SKA2: variants seen among roughly 807,000 people sequenced by gnomAD.
SKA2 encodes spindle and kinetochore associated complex subunit 2.
A neutral mutation model predicts 16.9 loss-of-function variants in SKA2; 13 were observed. The ratio of observed to expected loss-of-function variants is 0.77; its 90% CI spans 0.50 to 1.22. The LOEUF is 1.22. Ranked by LOEUF, SKA2 falls within the 50% of genes most tolerant of loss-of-function variation. SKA2 has a pLI of 0.00. For missense variants in SKA2, 107 were observed against 139.7 expected (o/e 0.77, Z 1.18); for synonymous variants, 47 against 48.5 (o/e 0.97, Z 0.13).
intron 1 of SKA2, among the ~76,000 whole-genome samples, chr17:59,142,499 A>T (rs2046498249): frequency 6.6e-6 from 1 of 151,978 alleles, no homozygotes; most frequent in Admixed American, 6.6e-5. Context: ...TATGTTGGTC[A>T]GGCTGCTCTC....
At chr17:59,140,196 C>G (rs1354217305) in intron 1 of SKA2, among the ~76,000 whole-genome samples, 1 of 151,774 alleles carries the variant, frequency 6.6e-6, no homozygotes, top group Non-Finnish European at 1.5e-5. Flanking sequence ...TAAAAGTGAG[C>G]AAGGGCTTCA....
At chr17:59,114,801 T>A (rs1344330167) in intron 3 of SKA2, among the ~76,000 whole-genome samples, 1 of 152,084 alleles carries the variant, frequency 6.6e-6, no homozygotes, top group Non-Finnish European at 1.5e-5. Context: ...TAATAGGAGG[T>A]ACAACCTGAA....
At chr17:59,128,103 T>C (rs11658818) in intron 2 of SKA2, among the ~76,000 whole-genome samples, 55,985 of 151,360 alleles carry the variant, frequency 0.37, 10,504 homozygotes, top group Middle Eastern at 0.47. Context: ...TACTCCTAGC[T>C]ACTCAGGAGG....
intron 2 of SKA2, among the ~76,000 whole-genome samples, chr17:59,122,914 C>T (rs781252133): frequency 1.3e-5 from 2 of 151,242 alleles, no homozygotes; most frequent in Non-Finnish European, 2.9e-5. Flanking sequence ...TGAACCACTG[C>T]GCCCAACCTT....
At chr17:59,123,035 AAAAAGAAAAG>A (rs1555711124) in intron 2 of SKA2, among the ~76,000 whole-genome samples, 4 of 150,080 alleles carry the variant, frequency 2.7e-5, no homozygotes, top group South Asian at 2.1e-4. Context: ...AAAAAAAAAA[AAAAAGAAAAG>A]AAAAGAAAAG....
chr17:59,129,533 G>A (rs971288621), intron 2 of SKA2: 3 of 151,640 alleles, frequency 2.0e-5, no homozygotes, highest in Admixed American at 1.3e-4. Flanking sequence ...AGGAATGAAG[G>A]AATGGAAGGG....
At chr17:59,132,656 C>CT (rs2046419280) in intron 1 of SKA2, among the ~76,000 whole-genome samples, 1 of 152,168 alleles carries the variant, frequency 6.6e-6, no homozygotes, top group Non-Finnish European at 1.5e-5. Flanking sequence ...GAGCAAGACT[C>CT]TATCTCATAA....
Position 59,119,442 on chromosome 17 carries a change from T to G in SKA2, c.174A>C (p.Gln58His). 1 of 1,614,028 alleles carries G rather than the reference T, an allele frequency of 6.2e-7. No individual in the cohort carries two copies. Among genetic ancestry groups the G allele is most frequent in the African/African-American group, 1.3e-5 (1 of 75,072 alleles). The change falls in exon 3 of 4, where the codon CAA (glutamine) becomes CAC (histidine). Residue 58 changes from glutamine to histidine, a missense_variant. Physicochemically the swap from Gln to His is conservative, Grantham distance 24. Coordinates refer to ENST00000330137, the MANE Select transcript of SKA2 (RefSeq NM_182620.4). ...CTGGTTTAAAGCGGGCATACAAAGT[T>G]TGATATCGAGACTTTATCACTGACA... Reference protein sequence around the residue: ...KELSVIKSRYQTLYARFKPVA... With the variant: ...KELSVIKSRYHTLYARFKPVA...
At chr17:59,137,729 TG>T (rs1438617384) in intron 1 of SKA2, 1 of 518,054 alleles carries the variant, frequency 1.9e-6, no homozygotes, top group East Asian at 5.6e-5. Context: ...AGATGACTTT[TG>T]CTTGTTTCTG....
intron 1 of SKA2, among the ~76,000 whole-genome samples, chr17:59,134,870 T>C (rs866015752): frequency 2.0e-5 from 3 of 152,122 alleles, no homozygotes; most frequent in Non-Finnish European, 2.9e-5. Flanking sequence ...GGTCTCACTC[T>C]GTCATACAAG....
At chr17:59,145,310 AC>A (rs1309096589) in intron 1 of SKA2, among the ~76,000 whole-genome samples, 3 of 152,210 alleles carry the variant, frequency 2.0e-5, no homozygotes, top group Admixed American at 6.5e-5. Context: ...TATTGATCTT[AC>A]TTTCTCAATA....
chr17:59,150,361 T>C (rs1372294041), intron 1 of SKA2, among the ~76,000 whole-genome samples: 1 of 152,206 alleles, frequency 6.6e-6, no homozygotes, highest in Non-Finnish European at 1.5e-5. Context: ...CTATTGTATC[T>C]CATAAGAATA....
At chr17:59,136,079 A>G (rs908762550) in intron 1 of SKA2, among the ~76,000 whole-genome samples, 16 of 148,488 alleles carry the variant, frequency 1.1e-4, no homozygotes, top group African/African-American at 3.2e-4. Context: ...AGGAAGGAAG[A>G]AAAAAAAAAC....
intron 1 of SKA2, among the ~76,000 whole-genome samples, chr17:59,153,059 A>G (rs2046589421): frequency 6.6e-6 from 1 of 152,172 alleles, no homozygotes; most frequent in South Asian, 2.1e-4. Context: ...TTGTTCACTT[A>G]AAAGAGAATT....
chr17:59,139,881 T>C (rs933789728), intron 1 of SKA2, among the ~76,000 whole-genome samples: 3 of 152,146 alleles, frequency 2.0e-5, no homozygotes. Flanking sequence ...CAAAAGGGAA[T>C]AGATGAAAGA....
intron 3 of SKA2, among the ~76,000 whole-genome samples, chr17:59,115,203 G>A (rs1032633106): frequency 7.9e-5 from 12 of 151,366 alleles, no homozygotes; most frequent in South Asian, 2.1e-4. Context: ...ACAGGTGCCC[G>A]CCACCATGCC....
At chr17:59,125,464 G>C (rs1007776224) in intron 2 of SKA2, among the ~76,000 whole-genome samples, 5 of 150,516 alleles carry the variant, frequency 3.3e-5, no homozygotes, top group African/African-American at 9.7e-5. Flanking sequence ...GCTTTGGGAG[G>C]CCAAGACTGG....
At chr17:59,131,257 A>G in intron 2 of SKA2, 24 bp downstream of exon 2, 1 of 1,531,772 alleles carries the variant, frequency 6.5e-7, no homozygotes, top group Non-Finnish European at 8.9e-7. Context: ...GATTTTTTTT[A>G]AGCTTATTTA....
Position 59,111,517 on chromosome 17 carries a change from T to G in SKA2, c.*760A>C, listed in dbSNP as rs916889019. 6.6e-6 allele frequency: 1 copy of G among 152,160 alleles called. No homozygotes were observed. The highest frequency in any genetic ancestry group is 1.5e-5 in the Non-Finnish European group (1 of 68,034). 9.4% of individuals were successfully genotyped at this position (152,160 alleles called of 1,614,324 possible). ...TACATATAACACACTCACGCAAAAC[T>G]GGCAAGTAGCAGATAAGTGCTCTTC... On this transcript the variant is annotated 3_prime_UTR_variant, in exon 4 of 4. Transcript: ENST00000330137.
Sources: allele counts gnomAD v4.1 joint callset (sites outside exome capture counted in the v4.1 genomes callset), GRCh38; gene constraint gnomAD v4.1.1; transcripts MANE v1.5; gene names NCBI Gene and HGNC (gene_info 2026-07-23, HGNC 2026-07-21).